PRKN: variants seen among roughly 807,000 people sequenced by gnomAD.
PRKN encodes the protein parkin RBR E3 ubiquitin protein ligase.
In PRKN, 56 loss-of-function variants were observed where a neutral mutation model predicts 59.5. The ratio of observed to expected loss-of-function variants is 0.94; its 90% CI spans 0.76 to 1.18. The LOEUF is 1.18. Among genes scored for constraint, PRKN ranks in the 50% most tolerant of loss-of-function variants. PRKN has a pLI of 0.00. For missense variants in PRKN, 657 were observed against 596.4 expected (o/e 1.10, Z -1.06); for synonymous variants, 250 against 222.1 (o/e 1.13, Z -1.12).
At chr6:162,395,055 A>T (rs1389589566) in intron 2 of PRKN, among the ~76,000 whole-genome samples, 1 of 152,190 alleles carries the variant, frequency 6.6e-6, no homozygotes, top group Non-Finnish European at 1.5e-5. Context: ...TTTAAAAGAT[A>T]TACTATCTCA....
intron 1 of PRKN, among the ~76,000 whole-genome samples, chr6:162,644,941 T>C (rs1342981499): frequency 2.0e-5 from 3 of 152,190 alleles, no homozygotes; most frequent in East Asian, 1.9e-4. Context: ...AAGATGCATA[T>C]AGAGAACTTA....
chr6:161,821,685 T>G (rs1279463702), intron 6 of PRKN, among the ~76,000 whole-genome samples: 1 of 150,146 alleles, frequency 6.7e-6, no homozygotes, highest in African/African-American at 2.4e-5. Flanking sequence ...ATTTTCTTTC[T>G]GCTTCACTTT....
chr6:162,646,050 AT>A (rs1338018336), intron 1 of PRKN, among the ~76,000 whole-genome samples: 1 of 151,108 alleles, frequency 6.6e-6, no homozygotes, highest in South Asian at 2.1e-4. Context: ...AATTTTTTGT[AT>A]TTTTAGTAGA....
chr6:161,984,697 T>A (rs1465180891), intron 5 of PRKN, among the ~76,000 whole-genome samples: 1 of 152,248 alleles, frequency 6.6e-6, no homozygotes, highest in Non-Finnish European at 1.5e-5. Context: ...CGTTGTCCCC[T>A]AGATAATCTA....
At chr6:162,487,366 A>G (rs983911802) in intron 1 of PRKN, among the ~76,000 whole-genome samples, 4 of 152,162 alleles carry the variant, frequency 2.6e-5, no homozygotes, top group Non-Finnish European at 5.9e-5. Flanking sequence ...TTGAGAAGGA[A>G]GGCCAAGTGA....
intron 1 of PRKN, among the ~76,000 whole-genome samples, chr6:162,555,023 T>A (rs1370048656): frequency 6.6e-6 from 1 of 152,116 alleles, no homozygotes; most frequent in Non-Finnish European, 1.5e-5. Flanking sequence ...GGACTATGCT[T>A]CTAACAGACT....
At chr6:162,170,520 A>G (rs1326487738) in intron 4 of PRKN, among the ~76,000 whole-genome samples, 3 of 152,246 alleles carry the variant, frequency 2.0e-5, no homozygotes, top group Non-Finnish European at 2.9e-5. Flanking sequence ...AATTTAGAAA[A>G]GATATTATTT....
At chr6:162,564,240 G>C (rs1214941485) in intron 1 of PRKN, among the ~76,000 whole-genome samples, 1 of 152,028 alleles carries the variant, frequency 6.6e-6, no homozygotes, top group Admixed American at 6.6e-5. Flanking sequence ...AGCTAGTTGG[G>C]AGGCTAAGGC....
chr6:161,479,013 A>G (rs1791259902), intron 9 of PRKN, among the ~76,000 whole-genome samples: 1 of 152,362 alleles, frequency 6.6e-6, no homozygotes, highest in East Asian at 1.9e-4. Context: ...CAATTTATAC[A>G]TAGAGTGTAA....
At chr6:162,663,652 CAAG>C (rs1778984798) in intron 1 of PRKN, among the ~76,000 whole-genome samples, 1 of 152,014 alleles carries the variant, frequency 6.6e-6, no homozygotes, top group African/African-American at 2.4e-5. Context: ...AAAGAGACGA[CAAG>C]AGGAGTAAAG....
In PRKN at chr6:161,356,111, G is replaced by A. The variant is rs555503537; in HGVS notation, c.1285+3977C>T. 2.6e-5 allele frequency among the ~76,000 whole-genome samples: 4 copies of A among 152,342 alleles called. No individual in the cohort carries two copies. Among genetic ancestry groups the A allele is most frequent in the East Asian group, 1.9e-4 (1 of 5,186 alleles). ...AGTAGTCATGGGACATGAGCTCTCC[G>A]GGGAAGGGGAGGGAGCCAGAACTAA... On this transcript the variant is annotated intron_variant, in intron 11 of 11. Coordinates refer to ENST00000366898, the MANE Select transcript of PRKN (RefSeq NM_004562.3). The surrounding 1 kb of genome is among the most constrained non-coding windows in gnomAD (Gnocchi z 7.8).
At position 161,593,615 on chromosome 6, in the gene PRKN, G is replaced by T. The variant is rs928796812; in HGVS notation, c.872-24199C>A. 6.6e-6 allele frequency among the ~76,000 whole-genome samples: 1 copy of T among 152,184 alleles called. No homozygotes were observed. Among genetic ancestry groups the T allele is most frequent in the Non-Finnish European group, 1.5e-5 (1 of 68,030 alleles). On this transcript the variant is annotated intron_variant, in intron 7 of 11. Transcript: ENST00000366898. This position sits in a 1 kb window ranked among gnomAD's most constrained non-coding sequence, Gnocchi z 4.8. ...CCCTGTGGAGCAGACAAAGGAAAAG[G>T]AGGCAGGGGTTGCGCTGCCACTTTT...
At position 162,472,470 on chromosome 6, in the gene PRKN, T is replaced by A. The variant is rs1340344951; in HGVS notation, c.8-28997A>T. Among the ~76,000 whole-genome samples the A allele has an allele frequency of 7.1e-3, 792 of 111,346 alleles. 4 individuals are homozygous for A. The highest frequency in any genetic ancestry group is 0.015 in the African/African-American group (473 of 32,128). The allele number at this position is 111,346 out of a possible 152,430, so 73.0% of individuals were successfully genotyped here. On this transcript the variant is annotated intron_variant, in intron 1 of 11. Coordinates refer to ENST00000366898, the MANE Select transcript of PRKN (RefSeq NM_004562.3). ...TCCAAACTCTAACTTTTATTTTATTTTATTTTATTTTATTTTATTTTATTT... is the reference window on the plus strand; with the variant it reads ...TCCAAACTCTAACTTTTATTTTATTATATTTTATTTTATTTTATTTTATTT...
chr6:161,932,157 C>G (rs538996290), intron 6 of PRKN, among the ~76,000 whole-genome samples: 43 of 151,878 alleles, frequency 2.8e-4, no homozygotes, highest in Middle Eastern at 3.4e-3. Context: ...TCTCAGTTAA[C>G]ATAATTAAGA....
chr6:161,638,261 T>C (rs1783602680), intron 7 of PRKN, among the ~76,000 whole-genome samples: 1 of 151,694 alleles, frequency 6.6e-6, no homozygotes, highest in Non-Finnish European at 1.5e-5. Flanking sequence ...GCCTCCTGAG[T>C]AGCTGGGACT....
At chr6:162,648,032 A>G (rs1240313230) in intron 1 of PRKN, among the ~76,000 whole-genome samples, 1 of 148,206 alleles carries the variant, frequency 6.7e-6, no homozygotes, top group Non-Finnish European at 1.5e-5. Context: ...ATTCCCCCAC[A>G]TCACCCATTC....
At chr6:162,688,379 T>C (rs1317378261) in intron 1 of PRKN, among the ~76,000 whole-genome samples, 1 of 152,300 alleles carries the variant, frequency 6.6e-6, no homozygotes, top group South Asian at 2.1e-4. Flanking sequence ...CATGGGTGTA[T>C]ACATATGGAA....
intron 6 of PRKN, among the ~76,000 whole-genome samples, chr6:161,883,509 G>A (rs187750029): frequency 3.3e-5 from 5 of 151,234 alleles, no homozygotes; most frequent in Non-Finnish European, 2.9e-5. Flanking sequence ...GGAAGGGAAG[G>A]TGGGGAGGGG....
At position 161,562,823 on chromosome 6, in the gene PRKN, C is replaced by T. The variant is rs938401414; in HGVS notation, c.933+6532G>A. ...GCTGCCAACTGTCTTAATCCAGAGCCTCTCCATATTGCAACAAGATTGACA... is the reference window on the plus strand; with the variant it reads ...GCTGCCAACTGTCTTAATCCAGAGCTTCTCCATATTGCAACAAGATTGACA... On this transcript the variant is annotated intron_variant, in intron 8 of 11. Transcript: ENST00000366898. This position sits in a 1 kb window ranked among gnomAD's most constrained non-coding sequence, Gnocchi z 4.3. Among the ~76,000 whole-genome samples the T allele has an allele frequency of 4.6e-5, 7 of 152,188 alleles. No homozygotes were observed. Among genetic ancestry groups the T allele is most frequent in the Non-Finnish European group, 2.9e-5 (2 of 68,034 alleles).
Sources: gnomAD v4.1 joint callset for allele counts (sites outside exome capture counted in the v4.1 genomes callset) on GRCh38, gnomAD v4.1.1 for gene constraint, Gnocchi (gnomAD v3.1) non-coding constraint, MANE v1.5 for transcripts, NCBI Gene and HGNC (gene_info 2026-07-23, HGNC 2026-07-21) for gene names.